NLRC5: variants seen among roughly 807,000 people sequenced by gnomAD.
The protein encoded by NLRC5 is NLR family CARD domain containing 5.
A neutral mutation model predicts 206.9 loss-of-function variants in NLRC5; 114 were observed. The ratio of observed to expected loss-of-function variants is 0.55; its 90% CI spans 0.47 to 0.64. NLRC5 has a LOEUF of 0.64. NLRC5 is among the 30% of genes least tolerant of loss of function. The pLI, the probability that NLRC5 is intolerant of heterozygous loss-of-function variation, is 0.00. For synonymous variants in NLRC5, 952 were observed against 962.8 expected (o/e 0.99, Z 0.21); for missense variants, 2,008 against 2,305.5 (o/e 0.87, Z 2.64).
chr16:57,006,940 CA>C (rs1373490732), intron 1 of NLRC5, among the ~76,000 whole-genome samples: 4 of 133,202 alleles, frequency 3.0e-5, no homozygotes, highest in African/African-American at 1.1e-4. Flanking sequence ...AGGGAAGTTT[CA>C]TTTTTTTGTG....
intron 20 of NLRC5, 175 bp downstream of exon 20, chr16:57,043,779 A>G: frequency 1.6e-6 from 1 of 634,790 alleles, no homozygotes; most frequent in Non-Finnish European, 2.9e-6. Context: ...TGAATGATCA[A>G]ATGAATGAAT....
intron 27 of NLRC5, among the ~76,000 whole-genome samples, chr16:57,057,389 AC>A (rs1249896430): frequency 6.6e-6 from 1 of 152,218 alleles, no homozygotes; most frequent in African/African-American, 2.4e-5. Context: ...GTGCCATTGC[AC>A]TCCAGCCTGG....
chr16:57,015,231 C>T (rs2059922951), intron 1 of NLRC5, among the ~76,000 whole-genome samples: 1 of 152,150 alleles, frequency 6.6e-6, no homozygotes, highest in Admixed American at 6.5e-5. Context: ...ACCCGGCCTC[C>T]AGCCTCTTCT....
chr16:57,027,642 A>G (rs2061389293), intron 6 of NLRC5, among the ~76,000 whole-genome samples: 1 of 105,298 alleles, frequency 9.5e-6, no homozygotes, highest in African/African-American at 3.2e-5. Flanking sequence ...GGTCCCTCCC[A>G]TTTTGCTCCA....
chr16:57,077,456 C>T, intron 41 of NLRC5, 77 bp downstream of exon 41: 2 of 1,352,338 alleles, frequency 1.5e-6, no homozygotes, highest in South Asian at 1.2e-5. Flanking sequence ...CTAGCTGAGG[C>T]CAGCATGGTA....
chr16:57,070,661 G>A, intron 38 of NLRC5, 43 bp downstream of exon 38: 1 of 1,519,166 alleles, frequency 6.6e-7, no homozygotes, highest in Non-Finnish European at 8.9e-7. Context: ...TGGTGGGGGT[G>A]GTTAATGGAT....
intron 13 of NLRC5, 117 bp downstream of exon 13, chr16:57,034,368 T>C: frequency 1.4e-6 from 1 of 733,714 alleles, no homozygotes; most frequent in Non-Finnish European, 2.3e-6. Flanking sequence ...CATGAAGAAT[T>C]TGGGGGAATC....
intron 38 of NLRC5, among the ~76,000 whole-genome samples, chr16:57,070,834 G>A (rs1294669854): frequency 2.2e-5 from 3 of 136,782 alleles, no homozygotes; most frequent in Admixed American, 7.2e-5. Flanking sequence ...GTGAGTGAGT[G>A]GTGATGGTGG....
rs745790387 is a variant in NLRC5, at chr16:57,043,610, C to T, written c.3203+6C>T. On this transcript the variant is annotated splice_donor_region_variant and intron_variant, in intron 20 of 48. Coordinates refer to ENST00000688547, the MANE Select transcript of NLRC5 (RefSeq NM_001384950.1). ...CTCTTCCGCTTGGACATCAGGTGAG[C>T]GTGCCTCTCCGCCCCCAGCCCTGCC... The T allele has an allele frequency of 1.1e-5, 18 of 1,610,728 alleles. No individual in the cohort carries two copies. Among genetic ancestry groups the T allele is most frequent in the South Asian group, 5.5e-5 (5 of 91,032 alleles).
chr16:57,043,365 G>A, intron 19 of NLRC5, 150 bp from the exon 20 acceptor site: 1 of 733,486 alleles, frequency 1.4e-6, no homozygotes. Context: ...CCACCATGAG[G>A]ACTTGCAAGG....
In NLRC5 at chr16:57,054,744, T is replaced by C; in HGVS notation, c.3507-7T>C. ...ATCTTGCCGGATCTACCCCCTTTCC[T>C]TTTCAGGCTGAGCCAGACGGGACTG... is the stretch of plus-strand genomic sequence containing the variant. On this transcript the variant is annotated splice_region_variant and splice_polypyrimidine_tract_variant and intron_variant, in intron 24 of 48. Transcript: ENST00000688547. The C allele has an allele frequency of 6.6e-7, 1 of 1,520,616 alleles. No homozygotes were observed. The highest frequency in any genetic ancestry group is 8.9e-7 in the Non-Finnish European group (1 of 1,119,226). 94.2% of individuals were successfully genotyped at this position (1,520,616 alleles called of 1,614,324 possible).
At position 57,020,693 on chromosome 16, in the gene NLRC5, C is replaced by T. The variant is rs779925508; in HGVS notation, c.-12-8C>T. 5.0e-6 allele frequency: 8 copies of T among 1,599,246 alleles called. 1 individual carries two copies. In the South Asian group the frequency reaches 7.7e-5, roughly 15 times the overall value. On this transcript the variant is annotated splice_region_variant and splice_polypyrimidine_tract_variant and intron_variant, in intron 2 of 48. Transcript: ENST00000688547. ...CCCTCAACTCACCTATCTTCCCTGT[C>T]CCTCCAGGGCTGGCTCCTCATGGAC...
chr16:56,997,643 C>T (rs146123002), intron 1 of NLRC5, among the ~76,000 whole-genome samples: 36 of 152,188 alleles, frequency 2.4e-4, no homozygotes, highest in African/African-American at 7.0e-4. Context: ...CACAATATCA[C>T]GGCTTACTGC....
chr16:57,068,427 T>C (rs1181358688), intron 36 of NLRC5, among the ~76,000 whole-genome samples: 2 of 127,548 alleles, frequency 1.6e-5, no homozygotes, highest in Non-Finnish European at 3.7e-5. Context: ...CGAGGCTCGG[T>C]TTCCGAAAAA....
chr16:57,079,514 C>T lies in NLRC5; in HGVS notation c.5238-32C>T, dbSNP rs111825715. The T allele has an allele frequency of 3.6e-5, 57 of 1,583,182 alleles. 1 individual carries two copies. In the African/African-American group the frequency reaches 4.7e-4, roughly 13 times the overall value. ...CTAGATCCCCTGACTCAAACAACCC[C>T]CATCCCATCCCATGCCCTTCTCCAT... is the stretch of plus-strand genomic sequence containing the variant. On this transcript the variant is annotated intron_variant, in intron 45 of 48. Coordinates refer to ENST00000688547, the MANE Select transcript of NLRC5 (RefSeq NM_001384950.1).
chr16:57,026,890 C>A lies in NLRC5; in HGVS notation c.1947C>A (p.Thr649=), dbSNP rs752649595. ...LPFHNFPLTC[T]DLATLTNILE... is the part of the protein sequence containing the mutation. ...TCCACAATTTCCCACTGACCTGCAC[C>A]GACCTGGCCACCCTGACCAACATCC... The change falls in exon 6 of 49, where the codon ACC becomes ACA. Residue 649 remains threonine (T), a synonymous_variant. Coordinates refer to ENST00000688547, the MANE Select transcript of NLRC5 (RefSeq NM_001384950.1). The A allele has an allele frequency of 6.2e-7, 1 of 1,614,202 alleles. No homozygotes were observed. The highest frequency in any genetic ancestry group is 1.1e-5 in the South Asian group (1 of 91,078).
intron 24 of NLRC5, among the ~76,000 whole-genome samples, chr16:57,053,402 G>T (rs1210794636): frequency 2.0e-5 from 3 of 152,156 alleles, no homozygotes; most frequent in Non-Finnish European, 2.9e-5. Flanking sequence ...TGACTGGCAG[G>T]GACAGTCCTA....
rs773146041 is a variant in NLRC5, at chr16:57,081,597, A to G, written c.5476A>G (p.Ile1826Val). 1 of 1,614,010 alleles carries G rather than the reference A, an allele frequency of 6.2e-7. No individual in the cohort carries two copies. The highest frequency in any genetic ancestry group is 2.2e-5 in the East Asian group (1 of 44,884). The change falls in exon 48 of 49, where the codon ATC (isoleucine) becomes GTC (valine). Residue 1826 changes from isoleucine (I) to valine (V), a missense_variant. By Grantham distance (29) the Ile-to-Val change is conservative. Coordinates refer to ENST00000688547, the MANE Select transcript of NLRC5 (RefSeq NM_001384950.1). ...LAEGLAQGSS[I>V]QVIRLWNNPI... is the part of the protein sequence containing the mutation. ...TGAAGGACTGGCCCAGGGGTCTAGC[A>G]TCCAAGTCATCCGGTAACAGAGGCC...
chr16:57,040,808 A>C (rs543021777), intron 17 of NLRC5, 90 bp downstream of exon 17: 2 of 1,277,554 alleles, frequency 1.6e-6, no homozygotes, highest in African/African-American at 2.9e-5. Context: ...CCCAGGCCCC[A>C]CATGCTCCCT....
Sources: allele counts gnomAD v4.1 joint callset (sites outside exome capture counted in the v4.1 genomes callset), GRCh38; gene constraint gnomAD v4.1.1; transcripts MANE v1.5; gene names NCBI Gene and HGNC (gene_info 2026-07-23, HGNC 2026-07-21).